Variants in GGA2 observed in about 807,000 individuals in gnomAD.
GGA2 encodes the protein ADP-ribosylation factor-binding protein GGA2.
In GGA2, 48 loss-of-function variants were observed where a neutral mutation model predicts 79.5. The observed-to-expected ratio is 0.60, with a 90% CI of 0.48 to 0.77. GGA2 has a LOEUF of 0.77. Ranked by LOEUF, GGA2 falls within the 30% of genes least tolerant of loss-of-function variation. The pLI, the probability that GGA2 is intolerant of heterozygous loss-of-function variation, is 0.00. For missense variants in GGA2, 770 were observed against 774.0 expected (o/e 0.99, Z 0.06); for synonymous variants, 317 against 302.0 (o/e 1.05, Z -0.51).
At chr16:23,481,662 A>T (rs1964650088) in intron 9 of GGA2, among the ~76,000 whole-genome samples, 1 of 152,078 alleles carries the variant, frequency 6.6e-6, no homozygotes, top group Admixed American at 6.6e-5. Flanking sequence ...AGTCCCAGCT[A>T]CTCAGGAGGC....
chr16:23,503,900 G>A (rs918113397), intron 1 of GGA2, among the ~76,000 whole-genome samples: 3 of 152,136 alleles, frequency 2.0e-5, no homozygotes, highest in African/African-American at 7.2e-5. Context: ...TGACCAACAT[G>A]GAGAAACCCC....
At chr16:23,507,114 AG>A (rs1230016364) in intron 1 of GGA2, among the ~76,000 whole-genome samples, 5 of 152,142 alleles carry the variant, frequency 3.3e-5, no homozygotes, top group African/African-American at 1.2e-4. Flanking sequence ...CATGAAAAAC[AG>A]CTGAGGAGGC....
upstream of GGA2, among the ~76,000 whole-genome samples, chr16:23,512,585 C>A (rs1597000229): frequency 6.6e-6 from 1 of 151,990 alleles, no homozygotes; most frequent in African/African-American, 2.4e-5. Context: ...GTGGAAAAAC[C>A]AGTTCTGCCC....
At position 23,465,422 on chromosome 16, in the gene GGA2, A is replaced by C; in HGVS notation, c.*2168T>G. 1.4e-6 allele frequency: 1 copy of C among 702,930 alleles called. No individual in the cohort carries two copies. The allele number at this position is 702,930 out of a possible 1,614,324, so 43.5% of individuals were successfully genotyped here. On this transcript the variant is annotated 3_prime_UTR_variant, in exon 17 of 17. Transcript: ENST00000309859. The stretch of plus-strand genomic sequence containing the variant: ...GCCTGCCTCCTCTCCTCCTACCCCT[A>C]TCCTGTCCAACACCTAAGCATAGTA...
chr16:23,504,871 T>C (rs566690992), intron 1 of GGA2, among the ~76,000 whole-genome samples: 32 of 152,302 alleles, frequency 2.1e-4, no homozygotes, highest in African/African-American at 7.2e-4. Flanking sequence ...ATTTCAAGCG[T>C]GCTACAGGGC....
At chr16:23,516,451 T>A (rs1567373980) in intron 2 of GGA2, among the ~76,000 whole-genome samples, 1 of 152,184 alleles carries the variant, frequency 6.6e-6, no homozygotes, top group Non-Finnish European at 1.5e-5. Flanking sequence ...GGCTTTATCG[T>A]GAAAATAGCC....
At chr16:23,482,495 C>G (rs182744764) in intron 9 of GGA2, among the ~76,000 whole-genome samples, 191 of 152,304 alleles carry the variant, frequency 1.3e-3, no homozygotes, top group African/African-American at 4.5e-3. Flanking sequence ...GGACAATTCT[C>G]CACTTCCTTA....
At chr16:23,492,143 T>C (rs1302718081) in intron 4 of GGA2, among the ~76,000 whole-genome samples, 1 of 152,228 alleles carries the variant, frequency 6.6e-6, no homozygotes, top group Non-Finnish European at 1.5e-5. Flanking sequence ...CAAAAATCCT[T>C]GGAATTTCCT....
intron 1 of GGA2, chr16:23,500,755 G>C (rs1964912541): frequency 6.2e-6 from 1 of 161,602 alleles, no homozygotes; most frequent in African/African-American, 2.4e-5. Context: ...CACTGCTGTG[G>C]AGCCTGCCCA....
Position 23,500,673 on chromosome 16 carries a change from C to G in GGA2, c.92-4895G>C, listed in dbSNP as rs1268186431. Among the ~76,000 whole-genome samples the G allele has an allele frequency of 2.0e-5, 3 of 152,256 alleles. No homozygotes were observed. The East Asian group carries it at 5.8e-4, about 29-fold the overall frequency. The stretch of plus-strand genomic sequence containing the variant: ...ATGCCAGCCCCAAGCAAAGCCAGTG[C>G]AGGGTGTGGCGGGTGGAACCGCCCT... On this transcript the variant is annotated intron_variant, in intron 1 of 16. Coordinates refer to ENST00000309859, the MANE Select transcript of GGA2 (RefSeq NM_015044.4).
chr16:23,468,054 G>C (rs1964463409), intron 16 of GGA2, among the ~76,000 whole-genome samples: 1 of 152,026 alleles, frequency 6.6e-6, no homozygotes, highest in Non-Finnish European at 1.5e-5. Flanking sequence ...CTCCAGCGAG[G>C]GATATTCCAC....
intron 1 of GGA2, among the ~76,000 whole-genome samples, chr16:23,497,744 T>G (rs1456040770): frequency 1.3e-5 from 2 of 152,198 alleles, no homozygotes; most frequent in Non-Finnish European, 2.9e-5. Flanking sequence ...TCTGAACAGA[T>G]ATTTTATCTG....
At chr16:23,470,670 C>T (rs561258350) in intron 14 of GGA2, among the ~76,000 whole-genome samples, 15 of 151,778 alleles carry the variant, frequency 9.9e-5, no homozygotes, top group African/African-American at 2.2e-4. Context: ...GGCTGAGGCA[C>T]GAAAATCACT....
rs1220379640 is a variant in GGA2, at chr16:23,486,867, A to G, written c.580-77T>C. ...AGAGCAGAAGCAGCAGCAACAGAAG[A>G]GTTAACACTAACAACAGTGCACACA... On this transcript the variant is annotated intron_variant, in intron 6 of 16. Coordinates refer to ENST00000309859, the MANE Select transcript of GGA2 (RefSeq NM_015044.4). 5.9e-6 allele frequency: 5 copies of G among 844,688 alleles called. No homozygotes were observed. In the East Asian group the frequency reaches 9.7e-5, roughly 16 times the overall value. 52.3% of individuals were successfully genotyped at this position (844,688 alleles called of 1,614,324 possible).
chr16:23,515,458 A>G (rs1193708929), upstream of GGA2, among the ~76,000 whole-genome samples: 1 of 150,642 alleles, frequency 6.6e-6, no homozygotes, highest in East Asian at 2.0e-4. Flanking sequence ...TTAGCTGGGC[A>G]TGGTGGTGTG....
At chr16:23,510,015 G>A (rs1259362838) in intron 1 of GGA2, among the ~76,000 whole-genome samples, 2 of 150,042 alleles carry the variant, frequency 1.3e-5, no homozygotes, top group African/African-American at 5.0e-5. Flanking sequence ...ACAGTGCCTG[G>A]CGCAGGGGAA....
chr16:23,491,639 A>G (rs1189359905), intron 5 of GGA2, 38 bp downstream of exon 5: 29 of 1,601,234 alleles, frequency 1.8e-5, no homozygotes, highest in Non-Finnish European at 2.4e-5. Flanking sequence ...ATACAGGCCT[A>G]GTCAAGAGGA....
chr16:23,495,587 G>A (rs542330025), intron 2 of GGA2, 107 bp downstream of exon 2: 5 of 553,680 alleles, frequency 9.0e-6, no homozygotes, highest in South Asian at 3.6e-5. Flanking sequence ...ATGAGCCACC[G>A]ATCCTTGCCT....
chr16:23,476,241 A>C (rs1964575626), intron 13 of GGA2, among the ~76,000 whole-genome samples: 1 of 152,218 alleles, frequency 6.6e-6, no homozygotes, highest in Non-Finnish European at 1.5e-5. Context: ...GCTGAAAAAA[A>C]GAAGACTGCA....
Sources: gnomAD v4.1 joint callset for allele counts (sites outside exome capture counted in the v4.1 genomes callset) on GRCh38, gnomAD v4.1.1 for gene constraint, MANE v1.5 for transcripts, NCBI Gene and HGNC (gene_info 2026-07-23, HGNC 2026-07-21) for gene names.